METTL24: variants seen among roughly 807,000 people sequenced by gnomAD.
METTL24 encodes methyltransferase like 24, also known as probable methyltransferase-like protein 24.
A neutral mutation model predicts 32.7 loss-of-function variants in METTL24; 29 were observed. That is an observed-to-expected ratio of 0.89 (90% CI 0.66 to 1.21). The LOEUF is 1.21. Among genes scored for constraint, METTL24 ranks in the 50% most tolerant of loss-of-function variants. METTL24 has a pLI of 0.00. For synonymous variants in METTL24, 163 were observed against 179.5 expected, an observed-to-expected ratio of 0.91 and a Z score of 0.73; for missense variants, 439 against 468.1, an observed-to-expected ratio of 0.94 and a Z score of 0.57.
At chr6:110,342,088 C>T (rs559135026) in intron 1 of METTL24, among the ~76,000 whole-genome samples, 16 of 152,342 alleles carry the variant, frequency 1.1e-4, no homozygotes, top group African/African-American at 3.8e-4. Context: ...AATGGGCTGA[C>T]AGCTTCCTGG....
chr6:110,283,304 G>T (rs1562225123), intron 4 of METTL24, among the ~76,000 whole-genome samples: 1 of 152,024 alleles, frequency 6.6e-6, no homozygotes, highest in African/African-American at 2.4e-5. Context: ...GAAAAGGCAG[G>T]GACATATCTG....
intron 4 of METTL24, among the ~76,000 whole-genome samples, chr6:110,286,970 G>C (rs1381245336): frequency 6.6e-6 from 1 of 152,176 alleles, no homozygotes; most frequent in African/African-American, 2.4e-5. Context: ...GTGGGACCTT[G>C]TGATCTTGTG....
At chr6:110,350,193 G>A (rs1161289401) in intron 1 of METTL24, among the ~76,000 whole-genome samples, 1 of 152,192 alleles carries the variant, frequency 6.6e-6, no homozygotes, top group East Asian at 1.9e-4. Flanking sequence ...GATATTCAAA[G>A]GTGTGACCAA....
intron 4 of METTL24, among the ~76,000 whole-genome samples, chr6:110,295,841 G>A (rs142898731): frequency 4.7e-5 from 7 of 149,360 alleles, no homozygotes; most frequent in African/African-American, 1.7e-4. Flanking sequence ...AAGGAAGGAA[G>A]GTTCTCTATA....
chr6:110,341,300 C>A (rs566323048), intron 1 of METTL24, among the ~76,000 whole-genome samples: 46 of 152,242 alleles, frequency 3.0e-4, no homozygotes, highest in African/African-American at 9.6e-4. Context: ...GGAATAAGGC[C>A]CAGGCATTTG....
At chr6:110,348,645 G>C (rs1772529312) in intron 1 of METTL24, among the ~76,000 whole-genome samples, 1 of 152,196 alleles carries the variant, frequency 6.6e-6, no homozygotes, top group South Asian at 2.1e-4. Context: ...CTCTGATTTG[G>C]GGACGGATTC....
intron 1 of METTL24, among the ~76,000 whole-genome samples, chr6:110,335,839 G>A (rs1332976125): frequency 6.6e-6 from 1 of 152,174 alleles, no homozygotes; most frequent in Non-Finnish European, 1.5e-5. Context: ...CACCCAGGTA[G>A]GAGGTGACAG....
chr6:110,352,215 C>G (rs370932944), intron 1 of METTL24, among the ~76,000 whole-genome samples: 1 of 152,184 alleles, frequency 6.6e-6, no homozygotes, highest in African/African-American at 2.4e-5. Context: ...CATGCCGTCA[C>G]TGAGCTTAGC....
At chr6:110,309,717 G>C (rs1422581826) in intron 3 of METTL24, among the ~76,000 whole-genome samples, 3 of 152,242 alleles carry the variant, frequency 2.0e-5, no homozygotes, top group East Asian at 3.9e-4. Flanking sequence ...GGAAAGACCT[G>C]CGCCCATGAT....
At chr6:110,257,408 A>G (rs1002558221) in intron 4 of METTL24, among the ~76,000 whole-genome samples, 2 of 152,226 alleles carry the variant, frequency 1.3e-5, no homozygotes, top group African/African-American at 4.8e-5. Context: ...ATTCATTAAA[A>G]TTAAATCAAA....
chr6:110,261,146 G>A (rs949036532), intron 4 of METTL24, among the ~76,000 whole-genome samples: 2 of 152,062 alleles, frequency 1.3e-5, no homozygotes, highest in African/African-American at 4.8e-5. Flanking sequence ...TGGACTAAAC[G>A]CTCCAATTAA....
intron 2 of METTL24, among the ~76,000 whole-genome samples, chr6:110,316,720 A>G (rs1410782749): frequency 6.6e-6 from 1 of 152,034 alleles, no homozygotes; most frequent in Non-Finnish European, 1.5e-5. Flanking sequence ...ACATGGCAAA[A>G]CTTCATCTCT....
intron 1 of METTL24, among the ~76,000 whole-genome samples, chr6:110,350,615 C>T (rs866350454): frequency 2.6e-5 from 4 of 151,664 alleles, no homozygotes; most frequent in African/African-American, 4.8e-5. Context: ...CTGATACTTA[C>T]GTTCTCTACT....
At position 110,315,448 on chromosome 6, in the gene METTL24, C is replaced by T. The variant is rs2114747369; in HGVS notation, c.451G>A (p.Ala151Thr). The change falls in exon 3 of 5, where the codon GCT becomes ACT. Residue 151 changes from alanine to threonine, a missense_variant. Coordinates refer to ENST00000338882, the MANE Select transcript of METTL24 (RefSeq NM_001123364.3). The stretch of plus-strand genomic sequence containing the variant: ...TTGTGTGTAGGACTAGAGTCAGTAG[C>T]CAGGCTGTCTGTATTCATGTGATTG... ...ACNHMNTDSL[A>T]TDSSPTHKPW... 1 of 1,613,972 alleles carries T rather than the reference C, an allele frequency of 6.2e-7. No individual in the cohort carries two copies. The highest frequency in any genetic ancestry group is 8.5e-7 in the Non-Finnish European group (1 of 1,179,956).
intron 4 of METTL24, among the ~76,000 whole-genome samples, chr6:110,282,772 C>G (rs1186996650): frequency 6.6e-6 from 1 of 152,168 alleles, no homozygotes; most frequent in East Asian, 1.9e-4. Context: ...AATAATAACA[C>G]CACAGCAAAC....
In METTL24 at chr6:110,245,572, G is replaced by C. The variant is rs7756551; in HGVS notation, c.*374C>G. 1.2e-4 allele frequency among the ~76,000 whole-genome samples: 18 copies of C among 152,190 alleles called. No homozygotes were observed. The highest frequency in any genetic ancestry group is 4.1e-4 in the African/African-American group (17 of 41,520). On this transcript the variant is annotated 3_prime_UTR_variant, in exon 5 of 5. Coordinates refer to ENST00000338882, the MANE Select transcript of METTL24 (RefSeq NM_001123364.3). The stretch of plus-strand genomic sequence containing the variant: ...TTTAAAACCCTATTTTAAACAGTAG[G>C]GGAAGAACTTAAAAATCTCACCAAC...
intron 4 of METTL24, among the ~76,000 whole-genome samples, chr6:110,272,121 C>CCA (rs1770968229): frequency 6.6e-6 from 1 of 152,092 alleles, no homozygotes; most frequent in Non-Finnish European, 1.5e-5. Context: ...CACCCTCCTC[C>CCA]CACCCATTCC....
intron 1 of METTL24, among the ~76,000 whole-genome samples, chr6:110,354,013 T>C (rs908878543): frequency 4.6e-5 from 7 of 152,350 alleles, no homozygotes; most frequent in African/African-American, 1.7e-4. Context: ...GGTATTTTTA[T>C]GCATGCATAG....
intron 1 of METTL24, among the ~76,000 whole-genome samples, chr6:110,331,659 CAAAAAAAAAA>C (rs59304999): frequency 1.4e-4 from 8 of 58,860 alleles, no homozygotes; most frequent in Non-Finnish European, 2.1e-4. Context: ...GACCCTGCCT[CAAAAAAAAAA>C]AAAAAAAAAA....
Sources: allele counts gnomAD v4.1 joint callset (sites outside exome capture counted in the v4.1 genomes callset), GRCh38; gene constraint gnomAD v4.1.1; transcripts MANE v1.5; gene names NCBI Gene and HGNC (gene_info 2026-07-23, HGNC 2026-07-21).